VPS36: variants seen among roughly 807,000 people sequenced by gnomAD.
VPS36 encodes vacuolar protein sorting 36 homolog.
In VPS36, 31 loss-of-function variants were observed where a neutral mutation model predicts 63.5. That is an observed-to-expected ratio of 0.49 (90% CI 0.37 to 0.66). The LOEUF is 0.66. VPS36 is among the 30% of genes least tolerant of loss of function. The pLI is 0.00. For synonymous variants in VPS36, 138 were observed against 157.2 expected (o/e 0.88, Z 0.91); for missense variants, 338 against 463.7 (o/e 0.73, Z 2.49).
chr13:52,450,176 A>T (rs1241881062), intron 1 of VPS36: 1 of 1,017,134 alleles, frequency 9.8e-7, no homozygotes, highest in Non-Finnish European at 1.2e-6. Flanking sequence ...GCAGACGGCG[A>T]GCGCTCCTTC....
At position 52,414,846 on chromosome 13, in the gene VPS36, C is replaced by A. The variant is rs1957979057; in HGVS notation, c.*984G>T. The A allele has an allele frequency of 6.6e-6, 1 of 152,160 alleles. No homozygotes were observed. The highest frequency in any genetic ancestry group is 2.1e-4 in the South Asian group (1 of 4,830). 9.4% of individuals were successfully genotyped at this position (152,160 alleles called of 1,614,324 possible). ...CTTTAAAACCTAAGCAATCTACATG[C>A]AGTATTAGCCAGTTGTTGTTATCTC... On this transcript the variant is annotated 3_prime_UTR_variant, in exon 14 of 14. Transcript: ENST00000378060.
At chr13:52,422,074 G>A (rs1258368939) in intron 10 of VPS36, among the ~76,000 whole-genome samples, 1 of 152,048 alleles carries the variant, frequency 6.6e-6, no homozygotes, top group Non-Finnish European at 1.5e-5. Flanking sequence ...CCATCTAACA[G>A]TATGTTTGTA....
Position 52,434,845 on chromosome 13 carries a change from C to G in VPS36, c.389G>C (p.Arg130Thr). Residue 130 changes from arginine to threonine, a missense_variant, in exon 5 of 14, where the codon AGA becomes ACA. By Grantham distance (71) the Arg-to-Thr change is moderately conservative (BLOSUM62 -1). Transcript: ENST00000378060. Reference sequence around the variant, plus strand: ...CTGGGAAACTGGCATATTCTCCCATCTTCTTTGTGTCATTTCCTCTGATAA... The same window carrying G: ...CTGGGAAACTGGCATATTCTCCCATGTTCTTTGTGTCATTTCCTCTGATAA... ...RRLSEEMTQR[R>T]WENMPVSQSL... is the part of the protein sequence containing the mutation. 1 of 1,613,944 alleles carries G rather than the reference C, an allele frequency of 6.2e-7. No homozygotes were observed. Among genetic ancestry groups the G allele is most frequent in the South Asian group, 1.1e-5 (1 of 91,040 alleles).
intron 10 of VPS36, among the ~76,000 whole-genome samples, chr13:52,421,463 G>C (rs182766083): frequency 6.6e-6 from 1 of 151,698 alleles, no homozygotes; most frequent in Admixed American, 6.6e-5. Context: ...ATATTACACA[G>C]GGTGACTAGA....
At chr13:52,423,959 G>A (rs943673192) in intron 9 of VPS36, among the ~76,000 whole-genome samples, 1 of 152,092 alleles carries the variant, frequency 6.6e-6, no homozygotes, top group East Asian at 1.9e-4. Context: ...CCGGGTTCAA[G>A]CAATTCTCCT....
At position 52,424,139 on chromosome 13, in the gene VPS36, C is replaced by T. The variant is rs550558597; in HGVS notation, c.775-500G>A. Among the ~76,000 whole-genome samples the T allele has an allele frequency of 1.3e-4, 20 of 152,218 alleles. No homozygotes were observed. In the East Asian group the frequency reaches 1.4e-3, roughly 10 times the overall value. On this transcript the variant is annotated intron_variant, in intron 9 of 13. Transcript: ENST00000378060. ...TCTCCCAAAGTGCTGGGATTACAGG[C>T]GTGAGCCACTGTGCCTGGCCTCATT...
At chr13:52,441,331 A>G (rs1276990454) in intron 2 of VPS36, among the ~76,000 whole-genome samples, 1 of 152,166 alleles carries the variant, frequency 6.6e-6, no homozygotes, top group Non-Finnish European at 1.5e-5. Flanking sequence ...CAGGAAAATA[A>G]AAACAGATGA....
chr13:52,442,993 C>T (rs746604691), intron 1 of VPS36, among the ~76,000 whole-genome samples: 3 of 152,104 alleles, frequency 2.0e-5, no homozygotes, highest in Non-Finnish European at 4.4e-5. Context: ...ATGTATAACA[C>T]TCATAACATT....
At position 52,434,845 on chromosome 13, in the gene VPS36, C is replaced by T. The variant is rs1444501222; in HGVS notation, c.389G>A (p.Arg130Lys). 4 of 1,613,944 alleles carry T rather than the reference C, an allele frequency of 2.5e-6. No homozygotes were observed. The highest frequency in any genetic ancestry group is 3.4e-6 in the Non-Finnish European group (4 of 1,179,970). Residue 130 changes from arginine to lysine, a missense_variant, in exon 5 of 14, where the codon AGA becomes AAA. Arg to Lys is a conservative substitution (Grantham distance 26). Transcript: ENST00000378060. The part of the protein sequence containing the change: ...RRLSEEMTQR[R>K]WENMPVSQSL... ...CTGGGAAACTGGCATATTCTCCCATCTTCTTTGTGTCATTTCCTCTGATAA... is the reference window on the plus strand; with the variant it reads ...CTGGGAAACTGGCATATTCTCCCATTTTCTTTGTGTCATTTCCTCTGATAA...
chr13:52,440,958 T>C (rs1227690134), intron 2 of VPS36, among the ~76,000 whole-genome samples: 1 of 152,140 alleles, frequency 6.6e-6, no homozygotes, highest in Non-Finnish European at 1.5e-5. Context: ...AGGGAGGGCA[T>C]GACCTAGATC....
In VPS36 at chr13:52,444,733, G is replaced by C. The variant is rs1172513845; in HGVS notation, c.97-2288C>G. Among the ~76,000 whole-genome samples the C allele has an allele frequency of 7.3e-5, 11 of 151,700 alleles. No individual in the cohort carries two copies. In the East Asian group the frequency reaches 2.1e-3, roughly 29 times the overall value. The stretch of plus-strand genomic sequence containing the variant: ...TATATATAGCATGACTCCACACACA[G>C]AATACGCTAAAAGTAACTGCTTATG... On this transcript the variant is annotated intron_variant, in intron 1 of 13. Coordinates refer to ENST00000378060, the MANE Select transcript of VPS36 (RefSeq NM_016075.4).
intron 1 of VPS36, among the ~76,000 whole-genome samples, chr13:52,447,039 C>CT (rs1958351057): frequency 1.3e-5 from 2 of 151,870 alleles, no homozygotes; most frequent in Non-Finnish European, 2.9e-5. Flanking sequence ...CCACGCCCAG[C>CT]TAATTTTTTG....
intron 6 of VPS36, among the ~76,000 whole-genome samples, chr13:52,430,088 G>A (rs1245699791): frequency 6.6e-6 from 1 of 152,032 alleles, no homozygotes; most frequent in Non-Finnish European, 1.5e-5. Flanking sequence ...TCAGAAATAG[G>A]TGACAGGACT....
intron 1 of VPS36, among the ~76,000 whole-genome samples, chr13:52,444,463 A>AAT (rs879263128): frequency 0.017 from 2,574 of 148,036 alleles, 32 homozygotes; most frequent in Non-Finnish European, 0.028. Flanking sequence ...CCGTTTAAAA[A>AAT]ATACATATAT....
At chr13:52,427,783 T>C (rs928459951) in intron 6 of VPS36, among the ~76,000 whole-genome samples, 3 of 152,176 alleles carry the variant, frequency 2.0e-5, no homozygotes, top group Non-Finnish European at 4.4e-5. Flanking sequence ...ATTGATTAAA[T>C]AAGCAAAAGG....
At chr13:52,427,725 CCAAA>C (rs1453575064) in intron 6 of VPS36, among the ~76,000 whole-genome samples, 5 of 152,006 alleles carry the variant, frequency 3.3e-5, no homozygotes, top group Admixed American at 6.6e-5. Context: ...CATACATTTT[CCAAA>C]CAAACTGCAA....
Position 52,428,662 on chromosome 13 carries a change from C to T in VPS36, c.529-1443G>A, listed in dbSNP as rs530160555. On this transcript the variant is annotated intron_variant, in intron 6 of 13. Coordinates refer to ENST00000378060, the MANE Select transcript of VPS36 (RefSeq NM_016075.4). Reference sequence around the variant, plus strand: ...ATTTAAATAGAGGGCAAATCACACACCAACCTAGTTTTCAAAAATAAAACA... The same window carrying T: ...ATTTAAATAGAGGGCAAATCACACATCAACCTAGTTTTCAAAAATAAAACA... Among the ~76,000 whole-genome samples the T allele has an allele frequency of 1.2e-3, 187 of 152,274 alleles. 2 individuals carry two copies. Among genetic ancestry groups the T allele is most frequent in the African/African-American group, 3.9e-3 (162 of 41,556 alleles).
At position 52,426,041 on chromosome 13, in the gene VPS36, A is replaced by T. The variant is rs759133031; in HGVS notation, c.665T>A (p.Leu222Gln). The T allele has an allele frequency of 8.7e-5, 141 of 1,614,028 alleles. No homozygotes were observed. Among genetic ancestry groups the T allele is most frequent in the Middle Eastern group, 4.9e-4 (3 of 6,084 alleles). Reference protein sequence around the residue: ...DETIRFKSYLLSMGIANPVTR... With the variant: ...DETIRFKSYLQSMGIANPVTR... ...AACTGGGTTAGCTATTCCCATGCTC[A>T]GCAAGTAGGATTTAAACCTGATGGT... is the stretch of plus-strand genomic sequence containing the variant. Residue 222 changes from leucine (L) to glutamine (Q), a missense_variant, in exon 9 of 14, where the codon CTG (leucine) becomes CAG (glutamine). Transcript: ENST00000378060.
At position 52,444,273 on chromosome 13, in the gene VPS36, T is replaced by C. The variant is rs374566171; in HGVS notation, c.97-1828A>G. Reference sequence around the variant, plus strand: ...GAGATCGAGACCATCCTGGCTAATATGGTGAAACCCCGTCTCTACTTTAAA... The same window carrying C: ...GAGATCGAGACCATCCTGGCTAATACGGTGAAACCCCGTCTCTACTTTAAA... On this transcript the variant is annotated intron_variant, in intron 1 of 13. Transcript: ENST00000378060. Among the ~76,000 whole-genome samples the C allele has an allele frequency of 7.4e-3, 1,121 of 152,116 alleles. 6 individuals are homozygous for C. Among genetic ancestry groups the C allele is most frequent in the African/African-American group, 0.017 (699 of 41,544 alleles).
Sources: allele counts gnomAD v4.1 joint callset (sites outside exome capture counted in the v4.1 genomes callset), GRCh38; gene constraint gnomAD v4.1.1; transcripts MANE v1.5; gene names NCBI Gene and HGNC (gene_info 2026-07-23, HGNC 2026-07-21).